Variants in ABCA1 observed in about 807,000 individuals in gnomAD.
The protein encoded by ABCA1 is ATP binding cassette subfamily A member 1, also known as phospholipid-transporting ATPase ABCA1.
Under a neutral mutation model 262.5 loss-of-function variants are expected in ABCA1, and 133 were observed. The ratio of observed to expected loss-of-function variants is 0.51; its 90% confidence interval spans 0.44 to 0.59. The LOEUF is 0.59. ABCA1 is among the 20% of genes least tolerant of loss of function. The pLI is 0.00. For synonymous variants in ABCA1, 1,022 were observed against 1,043.5 expected (o/e 0.98, Z 0.40); for missense variants, 2,452 against 2,777.5 (o/e 0.88, Z 2.63).
Position 104,781,836 on chromosome 9 carries a change from T to A in ABCA1, c.*2479A>T, listed in dbSNP as rs1828565157. ...ACATTCCACAGGGAATATACAGAAA[T>A]TTTGCTTGATTGAGTATAGAGTTGG... On this transcript the variant is annotated 3_prime_UTR_variant, in exon 50 of 50. Coordinates refer to ENST00000374736, the MANE Select transcript of ABCA1 (RefSeq NM_005502.4). 2 of 152,538 alleles carry A rather than the reference T, an allele frequency of 1.3e-5. No homozygotes were observed. The highest frequency in any genetic ancestry group is 4.1e-4 in the South Asian group (2 of 4,834). The allele number at this position is 152,538 out of a possible 1,614,324, so 9.4% of individuals were successfully genotyped here.
At chr9:104,897,377 T>TC (rs1394800467) in intron 2 of ABCA1, among the ~76,000 whole-genome samples, 2 of 152,160 alleles carry the variant, frequency 1.3e-5, no homozygotes, top group African/African-American at 4.8e-5. Flanking sequence ...GTAATCCTGT[T>TC]CCTCAGATTT....
At chr9:104,894,690 C>T (rs890199321) in intron 2 of ABCA1, among the ~76,000 whole-genome samples, 12 of 152,200 alleles carry the variant, frequency 7.9e-5, no homozygotes, top group African/African-American at 2.4e-4. Context: ...GGACCCCAAC[C>T]TCCTTATGCA....
chr9:104,881,134 C>T (rs1258083592), intron 5 of ABCA1, among the ~76,000 whole-genome samples: 1 of 152,002 alleles, frequency 6.6e-6, no homozygotes, highest in East Asian at 1.9e-4. Context: ...GGTGACAGAG[C>T]GAGGCTCTGT....
At position 104,784,397 on chromosome 9, in the gene ABCA1, A is replaced by C; in HGVS notation, c.6704T>G (p.Leu2235Ter). The change falls in exon 50 of 50, where the codon TTA becomes TGA. Residue 2235 changes from leucine (L) to a stop codon, truncating the protein, a stop_gained. Transcript: ENST00000374736. LOFTEE classifies it high-confidence loss of function. ...GTCCACTACTGTCTGGTTTTTGTGTAATGAGAGGTCTTTTAAGTGGTCATC... is the reference window on the plus strand; with the variant it reads ...GTCCACTACTGTCTGGTTTTTGTGTCATGAGAGGTCTTTTAAGTGGTCATC... Reference protein sequence around the residue: ...SDDDHLKDLSLHKNQTVVDVA... With the variant: ...SDDDHLKDLS The C allele has an allele frequency of 6.2e-7, 1 of 1,614,120 alleles. No homozygotes were observed. The highest frequency in any genetic ancestry group is 1.1e-5 in the South Asian group (1 of 91,080).
rs745861226 is a variant in ABCA1 at position 104,786,404 on chromosome 9, GAA to G, written c.6309-16_6309-15del. On this transcript the variant is annotated splice_polypyrimidine_tract_variant and intron_variant, in intron 47 of 49. Transcript: ENST00000374736. ...CATTCTTCCATACTGCGGTAAAACA[GAA>G]AGAGGTTTTAGTTTTAGAGAGATTC... 26 of 1,610,450 alleles carry G rather than the reference GAA, an allele frequency of 1.6e-5. No homozygotes were observed. The highest frequency in any genetic ancestry group is 2.1e-5 in the Non-Finnish European group (25 of 1,176,874).
intron 2 of ABCA1, among the ~76,000 whole-genome samples, chr9:104,893,957 T>C (rs940005369): frequency 2.0e-5 from 3 of 152,214 alleles, no homozygotes; most frequent in Non-Finnish European, 4.4e-5. Context: ...GTTTTGTGTA[T>C]CTCATCTCCA....
chr9:104,799,204 C>T (rs557632558), intron 36 of ABCA1, among the ~76,000 whole-genome samples: 29 of 152,240 alleles, frequency 1.9e-4, no homozygotes, highest in South Asian at 1.7e-3. Flanking sequence ...AACTGCCATG[C>T]TCCACATACA....
chr9:104,798,529 G>C lies in ABCA1; in HGVS notation c.5013C>G (p.Ser1671Arg). The C allele has an allele frequency of 1.2e-6, 2 of 1,614,204 alleles. No homozygotes were observed. The highest frequency in any genetic ancestry group is 1.7e-5 in the Admixed American group (1 of 60,026). ...VIFAMSFVPASFVVFLIQERV... is the reference protein window; with the variant it reads ...VIFAMSFVPARFVVFLIQERV... Reference sequence around the variant, plus strand: ...GCTCCTGGATCAGGAATACGACAAAGCTGGCTGGGACGAAGGACATTGCAA... The same window carrying C: ...GCTCCTGGATCAGGAATACGACAAACCTGGCTGGGACGAAGGACATTGCAA... Residue 1671 changes from serine (S) to arginine (R), a missense_variant, in exon 37 of 50, where the codon AGC (serine) becomes AGG (arginine). By Grantham distance (110) the Ser-to-Arg change is moderately radical. Coordinates refer to ENST00000374736, the MANE Select transcript of ABCA1 (RefSeq NM_005502.4).
intron 7 of ABCA1, among the ~76,000 whole-genome samples, chr9:104,852,729 C>T (rs776199285): frequency 7.2e-5 from 11 of 152,266 alleles, no homozygotes; most frequent in Admixed American, 2.0e-4. Context: ...ATGGGGATTG[C>T]GGCTGCTTGC....
rs778755161 is a variant in ABCA1, at chr9:104,800,530, C to A, written c.4753G>T (p.Asp1585Tyr). 3 of 1,614,040 alleles carry A rather than the reference C, an allele frequency of 1.9e-6. No individual in the cohort carries two copies. The South Asian group carries it at 3.3e-5, about 18-fold the overall frequency. The change falls in exon 35 of 50, where the codon GAC becomes TAC. Residue 1585 changes from aspartate (D) to tyrosine (Y), a missense_variant. Coordinates refer to ENST00000374736, the MANE Select transcript of ABCA1 (RefSeq NM_005502.4). ...TTTACCTTGACATTATTTTTGGTGT[C>A]CAGTCCTGTCATAAATCTTCCCAAG... ...NSLGRFMTGL[D>Y]TKNNVKVWFN...
chr9:104,854,848 G>C (rs544579025), intron 7 of ABCA1, among the ~76,000 whole-genome samples: 8 of 152,256 alleles, frequency 5.3e-5, no homozygotes, highest in African/African-American at 1.7e-4. Flanking sequence ...ACCCACCTTT[G>C]TTCTCATCAA....
At position 104,882,028 on chromosome 9, in the gene ABCA1, T is replaced by TAAAAAAAAAAAAAAAAAAAAAAAAAAA. The variant is rs557626075; in HGVS notation, c.421+984_421+1010dup. 3.9e-4 allele frequency among the ~76,000 whole-genome samples: 29 copies of TAAAAAAAAAAAAAAAAAAAAAAAAAAA among 73,752 alleles called. 3 individuals are homozygous for TAAAAAAAAAAAAAAAAAAAAAAAAAAA. Among genetic ancestry groups the TAAAAAAAAAAAAAAAAAAAAAAAAAAA allele is most frequent in the Non-Finnish European group, 6.0e-4 (23 of 38,598 alleles). The allele number at this position is 73,752 out of a possible 152,430, so 48.4% of individuals were successfully genotyped here. On this transcript the variant is annotated intron_variant, in intron 5 of 49. Transcript: ENST00000374736. ...CAAGGAAAGCACAGTTCTGTAGCCT[T>TAAAAAAAAAAAAAAAAAAAAAAAAAAA]AAAAAAAAAAAAAAAAAAAAAAAAA...
At chr9:104,919,407 A>C (rs7857983) in intron 1 of ABCA1, among the ~76,000 whole-genome samples, 37,045 of 151,954 alleles carry the variant, frequency 0.24, 5,303 homozygotes, top group African/African-American at 0.42. Context: ...GTCAGGAGTT[A>C]AAGACCAGCC....
rs79016685 is a variant in ABCA1 at position 104,794,071 on chromosome 9, T to C, written c.5506+316A>G. On this transcript the variant is annotated intron_variant, in intron 40 of 49. Transcript: ENST00000374736. ...GATCACCTAATTCTCAAAGTTATGG[T>C]TTGACTTTTCCAGTGCTTCTAACCA... 2.0e-3 allele frequency among the ~76,000 whole-genome samples: 311 copies of C among 152,356 alleles called. 2 individuals carry two copies. Among genetic ancestry groups the C allele is most frequent in the African/African-American group, 7.1e-3 (296 of 41,590 alleles).
intron 25 of ABCA1, among the ~76,000 whole-genome samples, chr9:104,815,636 T>C (rs1018121382): frequency 2.6e-5 from 4 of 152,184 alleles, no homozygotes; most frequent in Non-Finnish European, 5.9e-5. Flanking sequence ...TCTCAGCACC[T>C]GGCACAAGTA....
At chr9:104,805,289 G>A (rs1208576095) in intron 31 of ABCA1, among the ~76,000 whole-genome samples, 1 of 152,076 alleles carries the variant, frequency 6.6e-6, no homozygotes. Context: ...TGGCCAAGCT[G>A]GTTTCGAACT....
chr9:104,912,110 C>T (rs2118484419), intron 1 of ABCA1, among the ~76,000 whole-genome samples: 1 of 152,274 alleles, frequency 6.6e-6, no homozygotes, highest in East Asian at 1.9e-4. Context: ...AAAATTATTG[C>T]TAATAGCTAA....
At chr9:104,854,703 G>C (rs766486019) in intron 7 of ABCA1, among the ~76,000 whole-genome samples, 10 of 152,142 alleles carry the variant, frequency 6.6e-5, no homozygotes, top group Non-Finnish European at 1.5e-4. Context: ...CAAGACAAAA[G>C]AAGCCCCTGC....
rs201885403 is a variant in ABCA1 at position 104,819,898 on chromosome 9, G to A, written c.3103+29C>T. 4 of 1,610,532 alleles carry A rather than the reference G, an allele frequency of 2.5e-6. No homozygotes were observed. The Admixed American group carries it at 6.7e-5, about 27-fold the overall frequency. ...TGTGTAGCCGGAGGAGGAGGGGAGA[G>A]GGATAGGGAAGGTAGCTCTGGGCCG... On this transcript the variant is annotated intron_variant, in intron 21 of 49. Coordinates refer to ENST00000374736, the MANE Select transcript of ABCA1 (RefSeq NM_005502.4).
Sources: gnomAD v4.1 joint callset for allele counts (sites outside exome capture counted in the v4.1 genomes callset) on GRCh38, gnomAD v4.1.1 for gene constraint, MANE v1.5 for transcripts, NCBI Gene and HGNC (gene_info 2026-07-23, HGNC 2026-07-21) for gene names.